The following NR3C1 variants were observed in gnomAD, a reference collection of about 807,000 sequenced individuals.
NR3C1 encodes glucocorticoid receptor.
NR3C1 carries 14 observed loss-of-function variants against 74.0 expected under a neutral mutation model. That is an observed-to-expected ratio of 0.19 (90% CI 0.12 to 0.30). NR3C1 has a LOEUF of 0.30. Among genes scored for constraint, NR3C1 ranks in the 10% least tolerant of loss-of-function variants. The pLI is 1.00. For missense variants in NR3C1, 695 were observed against 909.8 expected (o/e 0.76, Z 3.04); for synonymous variants, 308 against 332.5 (o/e 0.93, Z 0.80).
chr5:143,358,862 T>C (rs1442893202), intron 2 of NR3C1, among the ~76,000 whole-genome samples: 1 of 150,954 alleles, frequency 6.6e-6, no homozygotes, highest in Non-Finnish European at 1.5e-5. Context: ...ATCACACCAT[T>C]GCACTCCAGC....
Position 143,281,942 on chromosome 5 carries a change from T to G in NR3C1, c.2281A>C (p.Ile761Leu). 1 of 1,613,552 alleles carries G rather than the reference T, an allele frequency of 6.2e-7. No individual in the cohort carries two copies. Among genetic ancestry groups the G allele is most frequent in the Non-Finnish European group, 8.5e-7 (1 of 1,179,628 alleles). Reference protein sequence around the residue: ...EMLAEIITNQIPKYSNGNIKK... With the variant: ...EMLAEIITNQLPKYSNGNIKK... The stretch of plus-strand genomic sequence containing the variant: ...ATATTTCCATTTGAATATTTTGGTA[T>G]CTGATTGGTGATGATTTCAGCTAAC... The change falls in exon 9 of 9, where the codon ATA (isoleucine) becomes CTA (leucine). Residue 761 changes from isoleucine (I) to leucine (L), a missense_variant. Around this residue, in one of 4 missense-constraint regions of NR3C1, gnomAD observed 133 missense variants for 287.9 expected, o/e 0.46. Coordinates refer to ENST00000394464, the MANE Select transcript of NR3C1 (RefSeq NM_000176.3).
intron 2 of NR3C1, among the ~76,000 whole-genome samples, chr5:143,358,655 A>G (rs1454494750): frequency 6.6e-6 from 1 of 152,092 alleles, no homozygotes; most frequent in African/African-American, 2.4e-5. Context: ...TAATCCCAGC[A>G]CTTTGGGAGG....
intron 2 of NR3C1, chr5:143,333,121 C>G: frequency 6.3e-7 from 1 of 1,592,272 alleles, no homozygotes; most frequent in Admixed American, 1.7e-5. Context: ...TTCTTGCGCC[C>G]TTTCCACCTC....
At chr5:143,342,745 G>A (rs1726112483) in intron 2 of NR3C1, among the ~76,000 whole-genome samples, 1 of 152,190 alleles carries the variant, frequency 6.6e-6, no homozygotes, top group Non-Finnish European at 1.5e-5. Context: ...GAGTAAAACA[G>A]ATTGTGTTTT....
chr5:143,293,734 T>C (rs1013128561), intron 7 of NR3C1: 2 of 369,778 alleles, frequency 5.4e-6, no homozygotes, highest in Non-Finnish European at 7.5e-6. Context: ...AGTAGAAGTC[T>C]ATATCTTAAG....
intron 2 of NR3C1, among the ~76,000 whole-genome samples, chr5:143,314,681 C>G (rs1417494575): frequency 1.3e-5 from 2 of 152,078 alleles, no homozygotes; most frequent in South Asian, 2.1e-4. Context: ...AAAATTCAAT[C>G]AAGTGTCATT....
chr5:143,426,540 G>A lies in NR3C1; in HGVS notation c.-14+7992C>T, dbSNP rs141239403. Among the ~76,000 whole-genome samples, 1,232 of 152,264 alleles carry A rather than the reference G, an allele frequency of 8.1e-3. 7 individuals carry two copies. Among genetic ancestry groups the A allele is most frequent in the Middle Eastern group, 0.02 (6 of 294 alleles). ...AAAACACGTGTTTTGCATTCTAGTC[G>A]AAAAGTTAAAGTTTATTCAGATTAT... On this transcript the variant is annotated intron_variant, in intron 1 of 8. Coordinates refer to the NR3C1 transcript ENST00000343796.
At chr5:143,312,285 A>G (rs1337944488) in intron 3 of NR3C1, among the ~76,000 whole-genome samples, 1 of 152,156 alleles carries the variant, frequency 6.6e-6, no homozygotes, top group African/African-American at 2.4e-5. Context: ...GGCCAATAAA[A>G]TATGGCAGAA....
At chr5:143,424,369 G>T (rs1751423446) in intron 1 of NR3C1, among the ~76,000 whole-genome samples, 2 of 152,210 alleles carry the variant, frequency 1.3e-5, no homozygotes, top group African/African-American at 2.4e-5. Context: ...GAGTGGAATT[G>T]CAATGCTTCT....
At chr5:143,431,499 G>A (rs753868933) in intron 1 of NR3C1, among the ~76,000 whole-genome samples, 1 of 152,062 alleles carries the variant, frequency 6.6e-6, no homozygotes. Flanking sequence ...CCTGTCAGGG[G>A]GTGGGGGGTA....
upstream of NR3C1, chr5:143,407,047 A>C (rs1841137008): frequency 6.6e-6 from 1 of 152,202 alleles, no homozygotes; most frequent in Non-Finnish European, 1.5e-5. Context: ...TAATTACTAC[A>C]AGAAATAGGA....
chr5:143,425,766 T>C (rs965096692), intron 1 of NR3C1, among the ~76,000 whole-genome samples: 1 of 152,172 alleles, frequency 6.6e-6, no homozygotes, highest in Non-Finnish European at 1.5e-5. Flanking sequence ...CTCTCATACA[T>C]TGCCAGCGAA....
Position 143,295,494 on chromosome 5 carries a change from A to G in NR3C1, c.1989T>C (p.Tyr663=). The change falls in exon 7 of 9, where the codon TAT becomes TAC. Residue 663 remains tyrosine (Y), a synonymous_variant. Transcript: ENST00000394464. The part of the protein sequence containing the change: ...LHRLQVSYEE[Y]LCMKTLLLLS... ...GAAGCAGTAAGGTTTTCATACAGAG[A>G]TACTCTTCATAAGATACCTGAAGCC... 1 of 1,613,204 alleles carries G rather than the reference A, an allele frequency of 6.2e-7. No individual in the cohort carries two copies. Among genetic ancestry groups the G allele is most frequent in the Non-Finnish European group, 8.5e-7 (1 of 1,179,392 alleles).
chr5:143,331,131 C>T (rs76657211), intron 2 of NR3C1, among the ~76,000 whole-genome samples: 5,646 of 152,114 alleles, frequency 0.037, 153 homozygotes, highest in Non-Finnish European at 0.055. Context: ...CAGAATAGAG[C>T]CCAGAAATAA....
chr5:143,351,355 C>T (rs1830186917), intron 2 of NR3C1, among the ~76,000 whole-genome samples: 1 of 152,142 alleles, frequency 6.6e-6, no homozygotes, highest in African/African-American at 2.4e-5. Context: ...ATCTAACTGT[C>T]CAGCCATATC....
At chr5:143,428,540 C>G (rs1308495695) in intron 1 of NR3C1, among the ~76,000 whole-genome samples, 1 of 152,192 alleles carries the variant, frequency 6.6e-6, no homozygotes, top group African/African-American at 2.4e-5. Context: ...TTACCATGCT[C>G]TAGTTCAGGG....
chr5:143,282,871 C>T (rs1048264178), intron 7 of NR3C1, 146 bp from the exon 8 acceptor site: 2 of 813,490 alleles, frequency 2.5e-6, no homozygotes, highest in South Asian at 3.4e-5. Context: ...CCTTGACCTC[C>T]TTGGCTCAAG....
rs1812679034 is a variant in NR3C1, at chr5:143,278,647, T to C, written c.*3242A>G. On this transcript the variant is annotated 3_prime_UTR_variant, in exon 9 of 9. Transcript: ENST00000394464. The stretch of plus-strand genomic sequence containing the variant: ...GGAGTGACCAGCCAAGATGGAAATC[T>C]CACTGAAGGCTACCATGGTTCTGGA... 1 of 152,182 alleles carries C rather than the reference T, an allele frequency of 6.6e-6. No homozygotes were observed. Among genetic ancestry groups the C allele is most frequent in the Admixed American group, 6.6e-5 (1 of 15,266 alleles). The allele number at this position is 152,182 out of a possible 1,614,324, so 9.4% of individuals were successfully genotyped here. A position where few individuals can be genotyped will look rare whatever the true frequency, so the allele number is the denominator to read the frequency against.
At chr5:143,330,099 T>C (rs1254879237) in intron 2 of NR3C1, among the ~76,000 whole-genome samples, 1 of 152,216 alleles carries the variant, frequency 6.6e-6, no homozygotes, top group Non-Finnish European at 1.5e-5. Flanking sequence ...TAAGTAAGTA[T>C]AGGTTACTGT....
Sources: gnomAD v4.1 joint callset for allele counts (sites outside exome capture counted in the v4.1 genomes callset) on GRCh38, gnomAD v4.1.1 for gene constraint, gnomAD v4.1.1 regional missense constraint, MANE v1.5 for transcripts, NCBI Gene and HGNC (gene_info 2026-07-23, HGNC 2026-07-21) for gene names.